Variants in RNGTT observed in about 807,000 individuals in gnomAD.
The protein encoded by RNGTT is mRNA-capping enzyme.
In RNGTT, 33 loss-of-function variants were observed where a neutral mutation model predicts 79.3. The observed-to-expected ratio is 0.42, with a 90% confidence interval of 0.32 to 0.56. RNGTT has a LOEUF of 0.56. Ranked by LOEUF, RNGTT falls within the 20% of genes least tolerant of loss-of-function variation. The probability of loss-of-function intolerance (pLI) is 0.17; values close to 1 mark genes in which losing one functional copy is unlikely to be tolerated. For synonymous variants in RNGTT, 222 were observed against 235.9 expected (o/e 0.94, Z 0.54); for missense variants, 497 against 739.1 (o/e 0.67, Z 3.80).
At chr6:88,873,829 A>G (rs1384051389) in intron 8 of RNGTT, among the ~76,000 whole-genome samples, 1 of 152,208 alleles carries the variant, frequency 6.6e-6, no homozygotes, top group African/African-American at 2.4e-5. Context: ...AGTCCAAGTT[A>G]GAAAAAGTTT....
intron 13 of RNGTT, among the ~76,000 whole-genome samples, chr6:88,729,287 T>C (rs1488515358): frequency 3.3e-5 from 5 of 152,018 alleles, no homozygotes; most frequent in Admixed American, 6.6e-5. Flanking sequence ...AGTGGTATTA[T>C]GATGGACCTT....
At chr6:88,665,470 T>C (rs912746829) in intron 14 of RNGTT, among the ~76,000 whole-genome samples, 1 of 152,228 alleles carries the variant, frequency 6.6e-6, no homozygotes, top group African/African-American at 2.4e-5. Flanking sequence ...TACAGGCCAG[T>C]ACAGGACTTG....
At chr6:88,833,586 A>G (rs1014952419) in intron 11 of RNGTT, among the ~76,000 whole-genome samples, 41 of 152,232 alleles carry the variant, frequency 2.7e-4, no homozygotes, top group Admixed American at 2.4e-3. Context: ...AATTTTTAGA[A>G]AAGTATTCAG....
At chr6:88,730,040 T>G (rs1777055352) in intron 13 of RNGTT, among the ~76,000 whole-genome samples, 2 of 152,160 alleles carry the variant, frequency 1.3e-5, no homozygotes, top group African/African-American at 4.8e-5. Flanking sequence ...TTAACTGTCC[T>G]CCACCTTATC....
At chr6:88,851,055 G>T (rs1206472877) in intron 9 of RNGTT, among the ~76,000 whole-genome samples, 3 of 151,866 alleles carry the variant, frequency 2.0e-5, no homozygotes, top group Admixed American at 6.6e-5. Flanking sequence ...CCATATAGGT[G>T]ATGAAATGTT....
chr6:88,696,938 A>G (rs1361595173), intron 13 of RNGTT, among the ~76,000 whole-genome samples: 4 of 152,220 alleles, frequency 2.6e-5, no homozygotes, highest in Admixed American at 1.3e-4. Flanking sequence ...TTCAGTCTAA[A>G]TTATAGTACT....
intron 13 of RNGTT, among the ~76,000 whole-genome samples, chr6:88,704,966 G>A (rs1776082123): frequency 6.6e-6 from 1 of 151,798 alleles, no homozygotes; most frequent in Admixed American, 6.6e-5. Flanking sequence ...AGGGCAGCAA[G>A]TTTGAAGAAA....
At chr6:88,829,936 T>C (rs1405512444) in intron 11 of RNGTT, among the ~76,000 whole-genome samples, 1 of 152,092 alleles carries the variant, frequency 6.6e-6, no homozygotes, top group East Asian at 1.9e-4. Flanking sequence ...CACACAATAA[T>C]AGTGGGAGAC....
At chr6:88,765,611 CATT>C (rs1167470073) in intron 13 of RNGTT, among the ~76,000 whole-genome samples, 1 of 152,086 alleles carries the variant, frequency 6.6e-6, no homozygotes, top group Admixed American at 6.6e-5. Flanking sequence ...ACAAAATAAA[CATT>C]ATTCCTGTGG....
chr6:88,757,545 T>C (rs1471898109), intron 13 of RNGTT, among the ~76,000 whole-genome samples: 2 of 152,280 alleles, frequency 1.3e-5, no homozygotes, highest in African/African-American at 2.4e-5. Context: ...TAATACTTAA[T>C]TGCATAATCA....
chr6:88,781,051 C>T (rs543942607), intron 12 of RNGTT, among the ~76,000 whole-genome samples: 1 of 152,120 alleles, frequency 6.6e-6, no homozygotes, highest in South Asian at 2.1e-4. Flanking sequence ...GGGCAGCTGC[C>T]CACAACAAAG....
In RNGTT at chr6:88,697,353, C is replaced by T. The variant is rs558076721; in HGVS notation, c.1440-18934G>A. ...GATCACGAGGTCAGGAGATCAAGACCATCCTGGCTAACACGGTGAAACCCT... is the reference window on the plus strand; with the variant it reads ...GATCACGAGGTCAGGAGATCAAGACTATCCTGGCTAACACGGTGAAACCCT... On this transcript the variant is annotated intron_variant, in intron 13 of 15. Transcript: ENST00000369485. 1.1e-4 allele frequency among the ~76,000 whole-genome samples: 16 copies of T among 152,016 alleles called. No individual in the cohort carries two copies. In the South Asian group the frequency reaches 2.9e-3, roughly 28 times the overall value.
chr6:88,904,966 C>T lies in RNGTT; in HGVS notation c.444-11G>A, dbSNP rs371056529. On this transcript the variant is annotated splice_polypyrimidine_tract_variant and intron_variant, in intron 5 of 15. Coordinates refer to ENST00000369485, the MANE Select transcript of RNGTT (RefSeq NM_003800.5). ...ACTGCTGCTTCGATACTATAGGAAA[C>T]AAACACCATGCAATTTCCTCGCTAT... The T allele has an allele frequency of 2.5e-6, 4 of 1,611,030 alleles. No homozygotes were observed. The highest frequency in any genetic ancestry group is 3.4e-6 in the Non-Finnish European group (4 of 1,178,464).
rs1335361846 is a variant in RNGTT, at chr6:88,647,620, G to A, written c.1506+30733C>T. ...CCAGCTACTCAGGAGGCTGAGGTAG[G>A]AGGATCACTTGAGCCTGAAAGTTTG... is the stretch of plus-strand genomic sequence containing the variant. On this transcript the variant is annotated intron_variant, in intron 14 of 15. Transcript: ENST00000369485. 6.6e-5 allele frequency among the ~76,000 whole-genome samples: 10 copies of A among 150,470 alleles called. No individual in the cohort carries two copies. The East Asian group carries it at 9.7e-4, about 15-fold the overall frequency.
chr6:88,949,541 C>T (rs1205826643), intron 1 of RNGTT, among the ~76,000 whole-genome samples: 6 of 152,030 alleles, frequency 3.9e-5, no homozygotes, highest in Admixed American at 1.3e-4. Flanking sequence ...GGATTACAGA[C>T]GTGAGCCACC....
intron 2 of RNGTT, among the ~76,000 whole-genome samples, chr6:88,937,753 T>C (rs1351799766): frequency 6.6e-6 from 1 of 152,232 alleles, no homozygotes; most frequent in Non-Finnish European, 1.5e-5. Context: ...TCAATTTTCA[T>C]GTGTTTCAAG....
At chr6:88,696,955 CAT>C (rs1490142729) in intron 13 of RNGTT, among the ~76,000 whole-genome samples, 2 of 152,214 alleles carry the variant, frequency 1.3e-5, no homozygotes, top group East Asian at 1.9e-4. Context: ...TACTATGTCA[CAT>C]GTTACCAGCT....
At chr6:88,795,402 C>T (rs1267451981) in intron 12 of RNGTT, among the ~76,000 whole-genome samples, 1 of 152,124 alleles carries the variant, frequency 6.6e-6, no homozygotes, top group African/African-American at 2.4e-5. Flanking sequence ...TTGAATAGAA[C>T]ACGTTTAATA....
intron 13 of RNGTT, among the ~76,000 whole-genome samples, chr6:88,691,517 A>T (rs1397577525): frequency 6.6e-6 from 1 of 152,218 alleles, no homozygotes; most frequent in Non-Finnish European, 1.5e-5. Context: ...TGACTACCTA[A>T]GTAGTAAAAG....
Sources: gnomAD v4.1 joint callset for allele counts (sites outside exome capture counted in the v4.1 genomes callset) on GRCh38, gnomAD v4.1.1 for gene constraint, MANE v1.5 for transcripts, NCBI Gene and HGNC (gene_info 2026-07-23, HGNC 2026-07-21) for gene names.